The following CCDC146 variants were observed in gnomAD, a reference collection of about 807,000 sequenced individuals.
CCDC146 encodes the protein coiled-coil domain-containing protein 146.
CCDC146 carries 92 observed loss-of-function variants against 119.3 expected under a neutral mutation model. The observed-to-expected ratio is 0.77, with a 90% CI of 0.65 to 0.92. CCDC146 has a LOEUF of 0.92. Among genes scored for constraint, CCDC146 ranks in the 40% least tolerant of loss-of-function variants. The pLI, the probability that CCDC146 is intolerant of heterozygous loss-of-function variation, is 0.00. For missense variants in CCDC146, 1,000 were observed against 1,103.0 expected (o/e 0.91, Z 1.32); for synonymous variants, 372 against 371.8 (o/e 1.00, Z -0.01).
intron 2 of CCDC146, among the ~76,000 whole-genome samples, chr7:77,221,111 C>G (rs1792395558): frequency 6.6e-6 from 1 of 152,082 alleles, no homozygotes; most frequent in Non-Finnish European, 1.5e-5. Context: ...CATGAGAACT[C>G]TATCACGAGA....
intron 2 of CCDC146, among the ~76,000 whole-genome samples, chr7:77,218,057 T>C (rs1047416754): frequency 2.0e-5 from 3 of 152,104 alleles, no homozygotes; most frequent in African/African-American, 7.2e-5. Context: ...CCAACATCGC[T>C]ACAACCACAT....
chr7:77,153,113 T>G (rs948876049), intron 1 of CCDC146, among the ~76,000 whole-genome samples: 6 of 152,142 alleles, frequency 3.9e-5, no homozygotes, highest in Non-Finnish European at 7.3e-5. Flanking sequence ...ACCACTAGTC[T>G]CAGTCTTAGA....
At position 77,241,858 on chromosome 7, in the gene CCDC146, C is replaced by G. The variant is rs775219790; in HGVS notation, c.407C>G (p.Ala136Gly). The G allele has an allele frequency of 5.0e-6, 8 of 1,613,818 alleles. No homozygotes were observed. Among genetic ancestry groups the G allele is most frequent in the Non-Finnish European group, 6.8e-6 (8 of 1,179,866 alleles). ...CTCAAGTATCAAAATGAATATAATGCAGTGAAGGAAAGAGAGTTCCATAAT... is the reference window on the plus strand; with the variant it reads ...CTCAAGTATCAAAATGAATATAATGGAGTGAAGGAAAGAGAGTTCCATAAT... The part of the protein sequence containing the change: ...QLLKYQNEYN[A>G]VKEREFHNQY... Residue 136 changes from alanine (A) to glycine (G), a missense_variant, in exon 4 of 19, where the codon GCA (alanine) becomes GGA (glycine). Transcript: ENST00000285871.
chr7:77,196,548 G>T lies in CCDC146; in HGVS notation c.156+28724G>T. Reference sequence around the variant, plus strand: ...GGAGTGGTGAAAAACTTCAGATCGTGGTTGTAATGTTTGTTGAAACGTAAT... The same window carrying T: ...GGAGTGGTGAAAAACTTCAGATCGTTGTTGTAATGTTTGTTGAAACGTAAT... On this transcript the variant is annotated intron_variant, in intron 2 of 18. Coordinates refer to ENST00000285871, the MANE Select transcript of CCDC146 (RefSeq NM_020879.3). The surrounding 1 kb of genome is among the most constrained non-coding windows in gnomAD (Gnocchi z 4.2). The T allele has an allele frequency of 6.2e-7, 1 of 1,614,146 alleles. No homozygotes were observed. The highest frequency in any genetic ancestry group is 1.1e-5 in the South Asian group (1 of 91,084).
In CCDC146 at chr7:77,199,754, G is replaced by C. The variant is rs759522830; in HGVS notation, c.156+31930G>C. 5.6e-6 allele frequency: 9 copies of C among 1,614,050 alleles called. No individual in the cohort carries two copies. The Admixed American group carries it at 1.5e-4, about 27-fold the overall frequency. ...ACAACCAAAAAACCGTAAGTGGCAA[G>C]AACAGCTGAGCTCAGCCAGTACCAG... On this transcript the variant is annotated intron_variant, in intron 2 of 18. Coordinates refer to ENST00000285871, the MANE Select transcript of CCDC146 (RefSeq NM_020879.3).
chr7:77,214,181 T>C (rs531475649), intron 2 of CCDC146, among the ~76,000 whole-genome samples: 2 of 152,314 alleles, frequency 1.3e-5, no homozygotes, highest in African/African-American at 2.4e-5. Flanking sequence ...TGGTATCCCA[T>C]TGTGGTTTTC....
chr7:77,144,001 T>G (rs972327679), intron 1 of CCDC146, among the ~76,000 whole-genome samples: 4 of 151,776 alleles, frequency 2.6e-5, no homozygotes, highest in Admixed American at 2.6e-4. Flanking sequence ...ATAAATTACT[T>G]TGGGCAGTAT....
rs1385532120 is a variant in CCDC146 at position 77,130,659 on chromosome 7, C to G, written c.-12+7927C>G. ...TGTCGCCCAGGCTGGAGTGCAGTGG[C>G]GCGATCTCGACTCACTGCAAGCTCC... On this transcript the variant is annotated intron_variant, in intron 1 of 18. Coordinates refer to ENST00000285871, the MANE Select transcript of CCDC146 (RefSeq NM_020879.3). 2.1e-5 allele frequency among the ~76,000 whole-genome samples: 3 copies of G among 142,650 alleles called. 1 individual carries two copies. The highest frequency in any genetic ancestry group is 8.0e-5 in the African/African-American group (3 of 37,438). The allele number at this position is 142,650 out of a possible 152,430, so 93.6% of individuals were successfully genotyped here.
At position 77,294,882 on chromosome 7, in the gene CCDC146, C is replaced by T. The variant is rs1402398841; in HGVS notation, c.*16C>T. 4.4e-6 allele frequency: 7 copies of T among 1,605,662 alleles called. No individual in the cohort carries two copies. Among genetic ancestry groups the T allele is most frequent in the Non-Finnish European group, 4.3e-6 (5 of 1,175,210 alleles). On this transcript the variant is annotated 3_prime_UTR_variant, in exon 19 of 19. Coordinates refer to ENST00000285871, the MANE Select transcript of CCDC146 (RefSeq NM_020879.3). The stretch of plus-strand genomic sequence containing the variant: ...TGAAATCTGAATATGTGAACAAATC[C>T]AGGCCTCTCAAGGAAAAGACTTCAA...
chr7:77,245,834 G>A (rs1694649142), intron 4 of CCDC146, among the ~76,000 whole-genome samples: 1 of 150,780 alleles, frequency 6.6e-6, no homozygotes, highest in Admixed American at 6.6e-5. Flanking sequence ...TAGTCACAAG[G>A]AAAAACTCAT....
intron 2 of CCDC146, among the ~76,000 whole-genome samples, chr7:77,182,419 T>C (rs768368371): frequency 7.9e-5 from 12 of 152,168 alleles, no homozygotes; most frequent in Non-Finnish European, 1.6e-4. Context: ...CATGATTGTT[T>C]TACCATCTTA....
chr7:77,183,818 A>G (rs1244007196), intron 2 of CCDC146, among the ~76,000 whole-genome samples: 1 of 152,342 alleles, frequency 6.6e-6, no homozygotes, highest in African/African-American at 2.4e-5. Flanking sequence ...AGCACATAGT[A>G]TTCTTTTTGG....
intron 2 of CCDC146, among the ~76,000 whole-genome samples, chr7:77,227,170 G>A (rs991116008): frequency 6.6e-6 from 1 of 152,138 alleles, no homozygotes; most frequent in African/African-American, 2.4e-5. Context: ...GGTTTGTAAG[G>A]CACCAAAGGC....
intron 4 of CCDC146, among the ~76,000 whole-genome samples, chr7:77,253,092 G>A (rs1353647953): frequency 6.6e-6 from 1 of 151,942 alleles, no homozygotes; most frequent in African/African-American, 2.4e-5. Context: ...GTGTAGACAA[G>A]GTGTGCCCAC....
At chr7:77,258,916 C>G in intron 6 of CCDC146, 79 bp from the exon 7 acceptor site, 2 of 913,410 alleles carry the variant, frequency 2.2e-6, no homozygotes, top group Non-Finnish European at 3.6e-6. Context: ...GTTCCTTTCT[C>G]TCTCATATTT....
intron 17 of CCDC146, among the ~76,000 whole-genome samples, chr7:77,289,040 G>C (rs1040753277): frequency 7.6e-6 from 1 of 131,820 alleles, no homozygotes; most frequent in African/African-American, 2.8e-5. Flanking sequence ...CCAGTGGCAG[G>C]TGTGCAAATC....
At chr7:77,171,646 A>C (rs935699620) in intron 2 of CCDC146, among the ~76,000 whole-genome samples, 1 of 152,164 alleles carries the variant, frequency 6.6e-6, no homozygotes, top group African/African-American at 2.4e-5. Flanking sequence ...ATCTCACCTG[A>C]CTGACACACA....
chr7:77,283,508 T>C (rs1229972525), intron 15 of CCDC146, among the ~76,000 whole-genome samples: 1 of 152,148 alleles, frequency 6.6e-6, no homozygotes, highest in Non-Finnish European at 1.5e-5. Context: ...TATTTTTTTT[T>C]AAATGTCAGG....
At chr7:77,231,431 T>C (rs747076597) in intron 2 of CCDC146, among the ~76,000 whole-genome samples, 114 of 152,166 alleles carry the variant, frequency 7.5e-4, no homozygotes, top group Non-Finnish European at 1.4e-3. Context: ...GAAAATAAAT[T>C]TGTGCCTAGC....
Sources: allele counts gnomAD v4.1 joint callset (sites outside exome capture counted in the v4.1 genomes callset), GRCh38; gene constraint gnomAD v4.1.1; non-coding constraint Gnocchi (gnomAD v3.1); transcripts MANE v1.5; gene names NCBI Gene and HGNC (gene_info 2026-07-23, HGNC 2026-07-21).